Variants in PCDH7 observed in about 807,000 individuals in gnomAD.
The protein encoded by PCDH7 is protocadherin 7, also known as protocadherin-7.
Under a neutral mutation model 58.9 loss-of-function variants are expected in PCDH7, and 17 were observed. The ratio of observed to expected loss-of-function variants is 0.29; its 90% CI spans 0.20 to 0.43. The LOEUF is 0.43. PCDH7 is among the 20% of genes least tolerant of loss of function. The probability of loss-of-function intolerance (pLI) is 1.00; values close to 1 mark genes in which losing one functional copy is unlikely to be tolerated. For missense variants in PCDH7, 1,274 were observed against 1,441.0 expected (o/e 0.88, Z 1.88); for synonymous variants, 664 against 616.4 (o/e 1.08, Z -1.14).
Position 31,042,725 on chromosome 4 carries a change from G to A in PCDH7, c.*7+92510G>A, listed in dbSNP as rs145950483. 4.7e-4 allele frequency among the ~76,000 whole-genome samples: 71 copies of A among 152,108 alleles called. No individual in the cohort carries two copies. In the East Asian group the frequency reaches 5.8e-3, roughly 12 times the overall value. ...CATTTGAAAAATGCAGATGATCAGT[G>A]GTGGATAACATAAAAAAAGAGATTG... On this transcript the variant is annotated intron_variant, in intron 3 of 3. Transcript: ENST00000509759.
chr4:31,049,961 A>C (rs1756605930), intron 3 of PCDH7, among the ~76,000 whole-genome samples: 1 of 152,166 alleles, frequency 6.6e-6, no homozygotes. Context: ...TCTGAAGTAA[A>C]ATAGTATATT....
chr4:30,914,692 G>A (rs1742197498), intron 1 of PCDH7, among the ~76,000 whole-genome samples: 1 of 152,084 alleles, frequency 6.6e-6, no homozygotes, highest in Admixed American at 6.6e-5. Context: ...TATAGCTGTG[G>A]CCTGAGGTAT....
In PCDH7 at chr4:30,993,258, T is replaced by G. The variant is rs967407565; in HGVS notation, c.*7+43043T>G. Among the ~76,000 whole-genome samples the G allele has an allele frequency of 4.6e-5, 7 of 152,312 alleles. No homozygotes were observed. In the East Asian group the frequency reaches 1.3e-3, roughly 29 times the overall value. ...CCAATGCTAGTTTCTACATTTCCCA[T>G]GTATGTGATCCCACATGGGTAGATA... On this transcript the variant is annotated intron_variant, in intron 3 of 3. Transcript: ENST00000509759.
intron 1 of PCDH7, among the ~76,000 whole-genome samples, chr4:30,918,565 A>G (rs1742780714): frequency 1.3e-5 from 2 of 152,304 alleles, no homozygotes; most frequent in South Asian, 4.1e-4. Flanking sequence ...TTAAATCCAT[A>G]ACATACATGC....
At chr4:31,075,501 A>G (rs1758907149) in intron 3 of PCDH7, among the ~76,000 whole-genome samples, 1 of 152,178 alleles carries the variant, frequency 6.6e-6, no homozygotes, top group Non-Finnish European at 1.5e-5. Context: ...ATGTACATGA[A>G]GAATCTGATT....
At chr4:31,126,162 C>G (rs1225165494) in intron 3 of PCDH7, among the ~76,000 whole-genome samples, 1 of 141,754 alleles carries the variant, frequency 7.1e-6, no homozygotes, top group Non-Finnish European at 1.5e-5. Context: ...GAATCTCTGT[C>G]ATCCAGGCTG....
intron 1 of PCDH7, among the ~76,000 whole-genome samples, chr4:30,801,334 G>T (rs950160453): frequency 6.6e-6 from 1 of 152,150 alleles, no homozygotes; most frequent in Admixed American, 6.5e-5. Context: ...GCAAGTAAAT[G>T]AAATACCCAG....
chr4:30,973,615 G>A (rs533268717), intron 3 of PCDH7, among the ~76,000 whole-genome samples: 2 of 152,248 alleles, frequency 1.3e-5, no homozygotes, highest in East Asian at 3.9e-4. Context: ...TAGCAGCAGG[G>A]AAGTGGCTGG....
At chr4:30,876,862 C>G (rs1302239205) in intron 1 of PCDH7, among the ~76,000 whole-genome samples, 1 of 151,902 alleles carries the variant, frequency 6.6e-6, no homozygotes, top group African/African-American at 2.4e-5. Flanking sequence ...AGGTTTTAAG[C>G]CCTGCATGCA....
intron 1 of PCDH7, among the ~76,000 whole-genome samples, chr4:30,906,053 C>A (rs1740878610): frequency 6.6e-6 from 1 of 152,116 alleles, no homozygotes; most frequent in African/African-American, 2.4e-5. Flanking sequence ...GAAACCTTGC[C>A]ATTTCTGTGC....
At chr4:30,958,988 G>A (rs989414504) in intron 3 of PCDH7, among the ~76,000 whole-genome samples, 5 of 152,080 alleles carry the variant, frequency 3.3e-5, no homozygotes, top group Admixed American at 2.6e-4. Flanking sequence ...CTTTTCAATA[G>A]TGTGAGGCTC....
Position 30,948,792 on chromosome 4 carries a change from G to A in PCDH7, c.288-1328G>A, listed in dbSNP as rs116110292. Among the ~76,000 whole-genome samples the A allele has an allele frequency of 6.7e-3, 1,017 of 152,166 alleles. 10 individuals carry two copies. The highest frequency in any genetic ancestry group is 0.023 in the African/African-American group (975 of 41,542). On this transcript the variant is annotated intron_variant, in intron 2 of 3. Coordinates refer to the PCDH7 transcript ENST00000509759. ...AACTCAAGGGCTGACTAATACTATT[G>A]CCTAAGCCTTAGGTGGGTCATGTTA...
intron 3 of PCDH7, among the ~76,000 whole-genome samples, chr4:31,056,458 G>GAAGAAAGAAAGAAAGAAAGAAAGA (rs1553932367): frequency 1.0e-3 from 84 of 83,218 alleles, no homozygotes; most frequent in East Asian, 1.5e-3. Flanking sequence ...AAGAAAGAAA[G>GAAGAAAGAAAGAAAGAAAGAAAGA]AAGAAAGAAA....
intron 3 of PCDH7, among the ~76,000 whole-genome samples, chr4:30,971,866 A>T (rs778416093): frequency 6.6e-6 from 1 of 152,216 alleles, no homozygotes; most frequent in African/African-American, 2.4e-5. Flanking sequence ...GAAGGCTGAG[A>T]TGTGAGGATC....
At chr4:30,786,236 C>T (rs1428477004) in intron 1 of PCDH7, among the ~76,000 whole-genome samples, 3 of 152,000 alleles carry the variant, frequency 2.0e-5, no homozygotes, top group Non-Finnish European at 4.4e-5. Context: ...CTAATGATTG[C>T]ATTAAGAGAC....
chr4:31,103,903 TA>T (rs1375228711), intron 3 of PCDH7, among the ~76,000 whole-genome samples: 1 of 152,230 alleles, frequency 6.6e-6, no homozygotes, highest in Non-Finnish European at 1.5e-5. Context: ...TTCCCCCATT[TA>T]ATCTGGTCTA....
At chr4:30,817,184 G>A (rs901781341) in intron 1 of PCDH7, among the ~76,000 whole-genome samples, 8 of 152,118 alleles carry the variant, frequency 5.3e-5, no homozygotes, top group African/African-American at 1.9e-4. Flanking sequence ...ATAGATGCAA[G>A]ATATTTACTT....
intron 3 of PCDH7, among the ~76,000 whole-genome samples, chr4:31,011,267 T>G (rs572806442): frequency 6.6e-6 from 1 of 152,180 alleles, no homozygotes; most frequent in Non-Finnish European, 1.5e-5. Flanking sequence ...AAGAAGATAT[T>G]AAAGTACTGT....
chr4:30,803,112 G>A (rs942029427), intron 1 of PCDH7, among the ~76,000 whole-genome samples: 3 of 152,176 alleles, frequency 2.0e-5, no homozygotes, highest in Non-Finnish European at 4.4e-5. Context: ...GAAGAGTGAA[G>A]CCATGGAGGT....
Sources: allele counts gnomAD v4.1 joint callset (sites outside exome capture counted in the v4.1 genomes callset), GRCh38; gene constraint gnomAD v4.1.1; transcripts MANE v1.5; gene names NCBI Gene and HGNC (gene_info 2026-07-23, HGNC 2026-07-21).